MAN1C1: variants seen among roughly 807,000 people sequenced by gnomAD.
MAN1C1 encodes the protein mannosidase alpha class 1C member 1, also known as mannosyl-oligosaccharide 1,2-alpha-mannosidase IC.
Under a neutral mutation model 71.5 loss-of-function variants are expected in MAN1C1, and 49 were observed. The observed-to-expected ratio is 0.69, with a 90% CI of 0.54 to 0.87. The LOEUF is 0.87. Ranked by LOEUF, MAN1C1 falls within the 40% of genes least tolerant of loss-of-function variation. MAN1C1 has a pLI of 0.00. For missense variants in MAN1C1, 743 were observed against 835.0 expected, an observed-to-expected ratio of 0.89 and a Z score of 1.36; for synonymous variants, 352 against 343.7, an observed-to-expected ratio of 1.02 and a Z score of -0.27.
intron 5 of MAN1C1, among the ~76,000 whole-genome samples, chr1:25,754,344 T>A (rs1057221786): frequency 6.6e-6 from 1 of 152,128 alleles, no homozygotes; most frequent in African/African-American, 2.4e-5. Flanking sequence ...TGGGCTCTGG[T>A]TGGAGGACCC....
intron 2 of MAN1C1, among the ~76,000 whole-genome samples, chr1:25,738,380 A>T (rs1208730595): frequency 6.6e-6 from 1 of 152,234 alleles, no homozygotes; most frequent in East Asian, 1.9e-4. Flanking sequence ...ATCTGGTTTT[A>T]AACAATAAAC....
At chr1:25,621,666 G>A (rs1395010344) in intron 1 of MAN1C1, among the ~76,000 whole-genome samples, 2 of 151,324 alleles carry the variant, frequency 1.3e-5, no homozygotes, top group African/African-American at 2.4e-5. Context: ...CTCTGTCGTC[G>A]AGGCTGCAGT....
At chr1:25,751,476 A>G (rs1385990746) in intron 4 of MAN1C1, among the ~76,000 whole-genome samples, 1 of 152,182 alleles carries the variant, frequency 6.6e-6, no homozygotes, top group South Asian at 2.1e-4. Flanking sequence ...GCTTTCCAGA[A>G]CATAGACCAG....
At chr1:25,727,014 G>A (rs185582266) in intron 2 of MAN1C1, among the ~76,000 whole-genome samples, 8 of 152,024 alleles carry the variant, frequency 5.3e-5, no homozygotes, top group African/African-American at 9.6e-5. Context: ...CTGAAAGTGC[G>A]CCACTGCATT....
chr1:25,641,433 G>C (rs2045535611), intron 1 of MAN1C1, among the ~76,000 whole-genome samples: 1 of 152,242 alleles, frequency 6.6e-6, no homozygotes, highest in African/African-American at 2.4e-5. Context: ...CTTAGAGGAA[G>C]AGTTTTCACT....
intron 2 of MAN1C1, among the ~76,000 whole-genome samples, chr1:25,709,003 G>A (rs961712579): frequency 3.3e-5 from 5 of 152,150 alleles, no homozygotes; most frequent in African/African-American, 7.2e-5. Context: ...CCCAGGGACC[G>A]CAGGAATCCA....
intron 1 of MAN1C1, among the ~76,000 whole-genome samples, chr1:25,618,790 C>A (rs541610474): frequency 6.6e-5 from 10 of 152,170 alleles, no homozygotes; most frequent in Middle Eastern, 6.8e-3. Context: ...CCCTATAGGA[C>A]CTGCTTACCT....
At position 25,693,014 on chromosome 1, in the gene MAN1C1, A is replaced by G. The variant is rs1401559727; in HGVS notation, c.637+6478A>G. ...GGGGTAAGAGGCACCAACCCCCTGC[A>G]CAGTTGAAAATCTGAGTATAACTTT... On this transcript the variant is annotated intron_variant, in intron 2 of 11. Coordinates refer to ENST00000374332, the MANE Select transcript of MAN1C1 (RefSeq NM_020379.4). Among the ~76,000 whole-genome samples, 3 of 152,208 alleles carry G rather than the reference A, an allele frequency of 2.0e-5. No homozygotes were observed. In the South Asian group the frequency reaches 6.2e-4, roughly 31 times the overall value.
chr1:25,718,174 G>T lies in MAN1C1; in HGVS notation c.638-28494G>T, dbSNP rs377399433. ...TTTCCTAAGTAACTGTTTGTTTTCT[G>T]TAGAGTTAATAATCGTCGTGTTTGT... is the stretch of plus-strand genomic sequence containing the variant. On this transcript the variant is annotated intron_variant, in intron 2 of 11. Coordinates refer to ENST00000374332, the MANE Select transcript of MAN1C1 (RefSeq NM_020379.4). 1.4e-4 allele frequency among the ~76,000 whole-genome samples: 21 copies of T among 152,204 alleles called. 1 individual carries two copies. The South Asian group carries it at 4.4e-3, about 32-fold the overall frequency.
chr1:25,633,838 G>T (rs780924197), intron 1 of MAN1C1, among the ~76,000 whole-genome samples: 2 of 151,906 alleles, frequency 1.3e-5, no homozygotes, highest in South Asian at 2.1e-4. Context: ...TAGATGCTTG[G>T]TTTTTTTCTA....
intron 2 of MAN1C1, among the ~76,000 whole-genome samples, chr1:25,741,204 A>C (rs1335638843): frequency 6.6e-6 from 1 of 151,188 alleles, no homozygotes. Context: ...CTGGTCTCAA[A>C]CTCCTGACCT....
intron 1 of MAN1C1, among the ~76,000 whole-genome samples, chr1:25,666,558 A>G (rs1298217084): frequency 6.6e-6 from 1 of 152,204 alleles, no homozygotes; most frequent in Non-Finnish European, 1.5e-5. Flanking sequence ...AGTAGAAGCC[A>G]TCCTCCTTAG....
intron 1 of MAN1C1, among the ~76,000 whole-genome samples, chr1:25,637,744 C>T (rs1224163188): frequency 6.6e-6 from 1 of 151,978 alleles, no homozygotes; most frequent in Non-Finnish European, 1.5e-5. Context: ...TAGATATGTA[C>T]ACATTTAGGA....
intron 2 of MAN1C1, among the ~76,000 whole-genome samples, chr1:25,726,893 T>TAAAA (rs530911352): frequency 2.1e-4 from 27 of 127,248 alleles, no homozygotes; most frequent in African/African-American, 7.4e-4. Flanking sequence ...TCATCTCTAT[T>TAAAA]AAAAAAAAAA....
chr1:25,682,803 C>T (rs892558844), intron 1 of MAN1C1, among the ~76,000 whole-genome samples: 2 of 151,996 alleles, frequency 1.3e-5, no homozygotes, highest in Non-Finnish European at 2.9e-5. Flanking sequence ...TTTGGGAGGC[C>T]GAGGCGGGCA....
At chr1:25,771,810 A>C in intron 8 of MAN1C1, 38 bp downstream of exon 8, 1 of 1,535,416 alleles carries the variant, frequency 6.5e-7, no homozygotes, top group Non-Finnish European at 9.0e-7. Flanking sequence ...GCCGCTGGTC[A>C]CCAGCCCCCG....
At chr1:25,704,735 ATCTCAGCAGGCAGGG>A (rs1162993973) in intron 2 of MAN1C1, among the ~76,000 whole-genome samples, 1 of 152,184 alleles carries the variant, frequency 6.6e-6, no homozygotes, top group African/African-American at 2.4e-5. Context: ...AAATTTTCTC[ATCTCAGCAGGCAGGG>A]TCTCTTTGCC....
Position 25,753,653 on chromosome 1 carries a change from C to A in MAN1C1, c.929+75C>A. The A allele has an allele frequency of 7.1e-7, 1 of 1,402,280 alleles. No individual in the cohort carries two copies. Among genetic ancestry groups the A allele is most frequent in the Non-Finnish European group, 9.9e-7 (1 of 1,008,966 alleles). 86.9% of individuals were successfully genotyped at this position (1,402,280 alleles called of 1,614,324 possible). A position where few individuals can be genotyped will look rare whatever the true frequency, so the allele number is the denominator to read the frequency against. ...CCATTTGTGTTTTGTCTGGGTGGTG[C>A]TGGTGAGGAGGCTCCAGGGGCAGTA... On this transcript the variant is annotated intron_variant, in intron 5 of 11. Coordinates refer to ENST00000374332, the MANE Select transcript of MAN1C1 (RefSeq NM_020379.4). This position sits in a 1 kb window ranked among gnomAD's most constrained non-coding sequence, Gnocchi z 4.9.
chr1:25,751,709 G>A (rs1454183930), intron 4 of MAN1C1, among the ~76,000 whole-genome samples: 1 of 152,202 alleles, frequency 6.6e-6, no homozygotes, highest in Non-Finnish European at 1.5e-5. Flanking sequence ...AGCCTCGGAT[G>A]GCCCCATCAG....
Sources: gnomAD v4.1 joint callset for allele counts (sites outside exome capture counted in the v4.1 genomes callset) on GRCh38, gnomAD v4.1.1 for gene constraint, Gnocchi (gnomAD v3.1) non-coding constraint, MANE v1.5 for transcripts, NCBI Gene and HGNC (gene_info 2026-07-23, HGNC 2026-07-21) for gene names.